Variants in CCND3 observed in about 807,000 individuals in gnomAD.
The protein encoded by CCND3 is G1/S-specific cyclin-D3.
CCND3 carries 9 observed loss-of-function variants against 28.7 expected under a neutral mutation model. The observed-to-expected ratio is 0.31, with a 90% CI of 0.19 to 0.55. The LOEUF (loss-of-function observed/expected upper bound fraction) is 0.55, where lower values mean the gene tolerates loss of function less well. Ranked by LOEUF, CCND3 falls within the 20% of genes least tolerant of loss-of-function variation. The pLI, the probability that CCND3 is intolerant of heterozygous loss-of-function variation, is 0.93. For synonymous variants in CCND3, 164 were observed against 163.9 expected (o/e 1.00, Z 0.00); for missense variants, 315 against 385.8 (o/e 0.82, Z 1.54).
intron 1 of CCND3, among the ~76,000 whole-genome samples, chr6:42,015,163 T>C (rs1322633292): frequency 6.6e-6 from 1 of 152,126 alleles, no homozygotes; most frequent in African/African-American, 2.4e-5. Context: ...AGGTCATACA[T>C]CTAGCATGAA....
intron 1 of CCND3, among the ~76,000 whole-genome samples, chr6:41,951,741 A>AT (rs1776324670): frequency 6.6e-6 from 1 of 151,646 alleles, no homozygotes; most frequent in Non-Finnish European, 1.5e-5. Flanking sequence ...AGTAATAATA[A>AT]TAGATCCCAC....
chr6:41,982,361 A>G (rs1348736946), intron 1 of CCND3, among the ~76,000 whole-genome samples: 1 of 152,202 alleles, frequency 6.6e-6, no homozygotes, highest in Non-Finnish European at 1.5e-5. Flanking sequence ...CATGTACATT[A>G]GAACCCCTAA....
At chr6:42,004,055 T>C (rs1763106529) in intron 1 of CCND3, among the ~76,000 whole-genome samples, 1 of 144,418 alleles carries the variant, frequency 6.9e-6, no homozygotes, top group South Asian at 2.2e-4. Context: ...TCTTAAAAGT[T>C]ATATATATAT....
At chr6:42,041,638 C>G (rs576270425) in intron 1 of CCND3, among the ~76,000 whole-genome samples, 2 of 152,160 alleles carry the variant, frequency 1.3e-5, no homozygotes, top group African/African-American at 4.8e-5. Flanking sequence ...AAACAGCACT[C>G]CTCCCCTCTA....
Position 41,936,810 on chromosome 6 carries a change from T to A in CCND3, c.575-115A>T. 9.0e-7 allele frequency: 1 copy of A among 1,109,198 alleles called. No homozygotes were observed. The highest frequency in any genetic ancestry group is 1.3e-6 in the Non-Finnish European group (1 of 774,890). The allele number at this position is 1,109,198 out of a possible 1,614,324, so 68.7% of individuals were successfully genotyped here. ...AGCATGAGTAGAGCAGAGGACATGC[T>A]GGAAAACTCCAGCAGTGGGTGGGGC... On this transcript the variant is annotated intron_variant, in intron 3 of 4. Transcript: ENST00000372991. This position sits in a 1 kb window ranked among gnomAD's most constrained non-coding sequence, Gnocchi z 4.4.
Position 42,048,684 on chromosome 6 carries a change from T to C in CCND3, c.-229A>G. Reference sequence around the variant, plus strand: ...AGTCTCCACCCCTGCAGTGGCGAAGTGTTTACAAAGTCCGCGCCGCGCCGC... The same window carrying C: ...AGTCTCCACCCCTGCAGTGGCGAAGCGTTTACAAAGTCCGCGCCGCGCCGC... On this transcript the variant is annotated 5_prime_UTR_variant, in exon 1 of 5. Coordinates refer to the CCND3 transcript ENST00000372988. This position sits in a 1 kb window ranked among gnomAD's most constrained non-coding sequence, Gnocchi z 4.7. The C allele has an allele frequency of 1.9e-6, 1 of 517,744 alleles. No homozygotes were observed. The highest frequency in any genetic ancestry group is 3.9e-6 in the Non-Finnish European group (1 of 259,408). 32.1% of individuals were successfully genotyped at this position (517,744 alleles called of 1,614,324 possible).
At chr6:41,965,100 C>G (rs954036469) in intron 1 of CCND3, among the ~76,000 whole-genome samples, 7 of 107,846 alleles carry the variant, frequency 6.5e-5, no homozygotes, top group Non-Finnish European at 1.2e-4. Context: ...CAGAGTTTCG[C>G]TCTTTGTTGC....
chr6:42,019,084 T>C (rs1312738084), intron 1 of CCND3, among the ~76,000 whole-genome samples: 2 of 152,230 alleles, frequency 1.3e-5, no homozygotes, highest in Admixed American at 1.3e-4. Context: ...TTTCTATCAG[T>C]TGTTATAAAA....
intron 1 of CCND3, among the ~76,000 whole-genome samples, chr6:42,028,555 G>A (rs1035615638): frequency 2.6e-5 from 4 of 152,216 alleles, no homozygotes; most frequent in African/African-American, 9.6e-5. Context: ...TGATATGGCA[G>A]AAGGTGGCAA....
At chr6:41,988,960 A>G (rs1314335266) in intron 1 of CCND3, among the ~76,000 whole-genome samples, 4 of 151,610 alleles carry the variant, frequency 2.6e-5, no homozygotes, top group Admixed American at 6.6e-5. Flanking sequence ...CGGCCTCCCA[A>G]AGTGCTGGGA....
chr6:42,040,096 A>G (rs1764325383), intron 1 of CCND3, among the ~76,000 whole-genome samples: 1 of 152,230 alleles, frequency 6.6e-6, no homozygotes. Context: ...ACATGTGCAC[A>G]CACACGTGTG....
intron 1 of CCND3, among the ~76,000 whole-genome samples, chr6:41,974,507 G>A (rs550730994): frequency 9.1e-4 from 138 of 152,110 alleles, no homozygotes; most frequent in Non-Finnish European, 1.5e-3. Flanking sequence ...CAGTGAGCCC[G>A]TGATGGTGCA....
chr6:41,939,679 C>G lies in CCND3; in HGVS notation c.414+691G>C, dbSNP rs942282790. ...ATCGGAAGCAGATGCAGCTCACCTCCCTGTCTGTCCCTCAGCTTGGGCCTT... is the reference window on the plus strand; with the variant it reads ...ATCGGAAGCAGATGCAGCTCACCTCGCTGTCTGTCCCTCAGCTTGGGCCTT... On this transcript the variant is annotated intron_variant, in intron 2 of 4. Coordinates refer to ENST00000372991, the MANE Select transcript of CCND3 (RefSeq NM_001760.5). The surrounding 1 kb of genome is among the most constrained non-coding windows in gnomAD (Gnocchi z 4.2). Among the ~76,000 whole-genome samples, 5 of 152,146 alleles carry G rather than the reference C, an allele frequency of 3.3e-5. No homozygotes were observed. Among genetic ancestry groups the G allele is most frequent in the Non-Finnish European group, 7.3e-5 (5 of 68,028 alleles).
chr6:42,048,731 G>GC lies in CCND3; in HGVS notation c.-277_-276insG, dbSNP rs1764624461. On this transcript the variant is annotated 5_prime_UTR_variant, in exon 1 of 5. Coordinates refer to the CCND3 transcript ENST00000372988. This position sits in a 1 kb window ranked among gnomAD's most constrained non-coding sequence, Gnocchi z 4.7. ...CCGCCGATCCAGAGCTGGGCAGGAA[G>GC]TGGGGAAGAGGGGGCGGAGGAGACA... The GC allele has an allele frequency of 2.0e-6, 1 of 503,782 alleles. No individual in the cohort carries two copies. Among genetic ancestry groups the GC allele is most frequent in the Non-Finnish European group, 3.9e-6 (1 of 253,480 alleles). The allele number at this position is 503,782 out of a possible 1,614,324, so 31.2% of individuals were successfully genotyped here.
intron 1 of CCND3, among the ~76,000 whole-genome samples, chr6:41,997,485 G>A (rs1327647489): frequency 6.6e-6 from 1 of 152,124 alleles, no homozygotes; most frequent in Non-Finnish European, 1.5e-5. Flanking sequence ...AACCGGCAAG[G>A]GGACAAGGGC....
chr6:42,009,286 G>A (rs1268292504), intron 1 of CCND3, among the ~76,000 whole-genome samples: 1 of 152,116 alleles, frequency 6.6e-6, no homozygotes, highest in Non-Finnish European at 1.5e-5. Flanking sequence ...GACCAGCCTG[G>A]GCAACATGGT....
At chr6:42,041,976 G>T (rs1764383583) in intron 1 of CCND3, among the ~76,000 whole-genome samples, 1 of 152,206 alleles carries the variant, frequency 6.6e-6, no homozygotes, top group Non-Finnish European at 1.5e-5. Context: ...GAACAGCAGA[G>T]AAGGAAGAGA....
intron 1 of CCND3, among the ~76,000 whole-genome samples, chr6:42,028,626 G>A (rs1202362006): frequency 6.6e-6 from 1 of 152,212 alleles, no homozygotes; most frequent in Admixed American, 6.5e-5. Context: ...CTGTCCACAG[G>A]CATGGGTAAA....
chr6:41,961,287 A>C (rs1487959915), intron 1 of CCND3, among the ~76,000 whole-genome samples: 3 of 152,006 alleles, frequency 2.0e-5, no homozygotes, highest in African/African-American at 4.8e-5. Context: ...CAGCATGGCC[A>C]ACAAAGCGTG....
Sources: allele counts gnomAD v4.1 joint callset (sites outside exome capture counted in the v4.1 genomes callset), GRCh38; gene constraint gnomAD v4.1.1; non-coding constraint Gnocchi (gnomAD v3.1); transcripts MANE v1.5; gene names NCBI Gene and HGNC (gene_info 2026-07-23, HGNC 2026-07-21).